The following FRK variants were observed in gnomAD, a reference collection of about 807,000 sequenced individuals.
The protein encoded by FRK is fyn related Src family tyrosine kinase, also known as tyrosine-protein kinase FRK.
A neutral mutation model predicts 56.4 loss-of-function variants in FRK; 51 were observed. The ratio of observed to expected loss-of-function variants is 0.90; its 90% CI spans 0.72 to 1.14. The LOEUF (loss-of-function observed/expected upper bound fraction) is 1.14. Among genes scored for constraint, FRK ranks in the 50% most tolerant of loss-of-function variants. FRK has a pLI of 0.00. For synonymous variants in FRK, 245 were observed against 217.9 expected, an observed-to-expected ratio of 1.12 and a Z score of -1.10; for missense variants, 570 against 601.4, an observed-to-expected ratio of 0.95 and a Z score of 0.55.
chr6:116,027,188 A>C lies in FRK; in HGVS notation c.345-23190T>G, dbSNP rs1056290022. 4.6e-5 allele frequency among the ~76,000 whole-genome samples: 7 copies of C among 152,296 alleles called. No homozygotes were observed. In the East Asian group the frequency reaches 1.3e-3, roughly 29 times the overall value. ...TATTTAAATCATCCAACAATGTTCA[A>C]ACTGCTATTCTTTAACATGAAATAA... On this transcript the variant is annotated intron_variant, in intron 1 of 7. Transcript: ENST00000606080.
Position 115,944,329 on chromosome 6 carries a change from T to C in FRK, c.1055A>G (p.His352Arg), listed in dbSNP as rs368409399. 40 of 1,613,058 alleles carry C rather than the reference T, an allele frequency of 2.5e-5. No individual in the cohort carries two copies. Among genetic ancestry groups the C allele is most frequent in the Non-Finnish European group, 2.5e-6 (3 of 1,179,652 alleles). The change falls in exon 6 of 8, where the codon CAC (histidine) becomes CGC (arginine). Residue 352 changes from histidine to arginine, a missense_variant. By Grantham distance (29) the His-to-Arg change is conservative. Coordinates refer to ENST00000606080, the MANE Select transcript of FRK (RefSeq NM_002031.3). The stretch of plus-strand genomic sequence containing the variant: ...GACATTTCTGGCAGCCAGATCTCTG[T>C]GAATGTAGTTCCGAGACTCCAGATA... ...MAYLESRNYI[H>R]RDLAARNVLV...
chr6:115,947,317 AGTGTGTGTGT>A (rs10577529), intron 5 of FRK, among the ~76,000 whole-genome samples: 36,988 of 149,796 alleles, frequency 0.25, 5,098 homozygotes, highest in Middle Eastern at 0.35. Flanking sequence ...AGACTTAAAC[AGTGTGTGTGT>A]GTGTGTGTGT....
intron 5 of FRK, among the ~76,000 whole-genome samples, chr6:115,945,576 G>T (rs1374660792): frequency 1.3e-5 from 2 of 152,012 alleles, no homozygotes; most frequent in Non-Finnish European, 2.9e-5. Context: ...TGCATAATTT[G>T]TTTTAGTCAT....
chr6:115,957,185 C>G (rs1773035251), intron 4 of FRK, among the ~76,000 whole-genome samples: 2 of 152,250 alleles, frequency 1.3e-5, no homozygotes, highest in South Asian at 4.1e-4. Flanking sequence ...CAACTCGAAA[C>G]TGATATTTAA....
chr6:116,091,358 C>A, the FRK span, among the ~76,000 whole-genome samples: 26,124 of 152,116 alleles, frequency 0.17, 2,669 homozygotes, highest in African/African-American at 0.28. Context: ...GCTGGCCACC[C>A]CAGCCAGCAG....
intron 1 of FRK, among the ~76,000 whole-genome samples, chr6:116,005,015 T>C (rs1471563342): frequency 4.6e-5 from 7 of 152,116 alleles, no homozygotes; most frequent in Non-Finnish European, 1.0e-4. Context: ...AAATGTGTGC[T>C]ATCAAAATTT....
chr6:116,050,506 G>A (rs889314625), intron 1 of FRK, among the ~76,000 whole-genome samples: 2 of 152,136 alleles, frequency 1.3e-5, no homozygotes, highest in African/African-American at 4.8e-5. Flanking sequence ...CACATCCCTA[G>A]ATCTAATAGT....
In FRK at chr6:116,059,924, C is replaced by A. The variant is rs184365428; in HGVS notation, c.344+44G>T. ...GTAGAAAGGAAAACTCATTACCCAG[C>A]CCTCAGAGAGTTCAGAAATTAAGTA... is the stretch of plus-strand genomic sequence containing the variant. On this transcript the variant is annotated intron_variant, in intron 1 of 7. Coordinates refer to ENST00000606080, the MANE Select transcript of FRK (RefSeq NM_002031.3). The A allele has an allele frequency of 2.8e-4, 413 of 1,494,132 alleles. 1 individual carries two copies. In the African/African-American group the frequency reaches 4.8e-3, roughly 18 times the overall value. 92.6% of individuals were successfully genotyped at this position (1,494,132 alleles called of 1,614,324 possible).
At chr6:115,952,103 G>T (rs989282591) in intron 5 of FRK, among the ~76,000 whole-genome samples, 1 of 151,934 alleles carries the variant, frequency 6.6e-6, no homozygotes, top group African/African-American at 2.4e-5. Flanking sequence ...AGATGAGTAG[G>T]TTGCGAAAAT....
At chr6:116,084,624 T>C in the FRK span, among the ~76,000 whole-genome samples, 1 of 152,200 alleles carries the variant, frequency 6.6e-6, no homozygotes, top group Non-Finnish European at 1.5e-5. Context: ...ACAGGCAAGA[T>C]GTCACTTTCC....
chr6:115,994,007 T>C (rs774578670), intron 2 of FRK, among the ~76,000 whole-genome samples: 1 of 152,100 alleles, frequency 6.6e-6, no homozygotes, highest in Non-Finnish European at 1.5e-5. Flanking sequence ...AGGAGTTTTC[T>C]ATCTTCACGT....
the FRK span, among the ~76,000 whole-genome samples, chr6:116,075,369 G>T: frequency 6.6e-6 from 1 of 151,268 alleles, no homozygotes; most frequent in African/African-American, 2.4e-5. Flanking sequence ...GGTATAAAAG[G>T]CTTACGAAAA....
intron 2 of FRK, among the ~76,000 whole-genome samples, chr6:115,969,460 T>A (rs937646689): frequency 6.6e-6 from 1 of 152,152 alleles, no homozygotes; most frequent in Non-Finnish European, 1.5e-5. Flanking sequence ...GGCTATTTTG[T>A]TACTGTTGCC....
the FRK span, among the ~76,000 whole-genome samples, chr6:116,090,245 T>C: frequency 6.6e-6 from 1 of 152,010 alleles, no homozygotes; most frequent in Non-Finnish European, 1.5e-5. Flanking sequence ...AGTTTGGGGG[T>C]CCCAAAGCAG....
the FRK span, among the ~76,000 whole-genome samples, chr6:116,086,349 T>G: frequency 6.6e-6 from 1 of 152,222 alleles, no homozygotes; most frequent in African/African-American, 2.4e-5. Context: ...ATGAATCTCA[T>G]GATAAAATCC....
chr6:116,082,784 C>T, the FRK span, among the ~76,000 whole-genome samples: 1 of 151,994 alleles, frequency 6.6e-6, no homozygotes, highest in Admixed American at 6.6e-5. Context: ...AAGTGGACAA[C>T]TAGATCTATA....
chr6:115,983,440 T>C (rs745362748), intron 2 of FRK, among the ~76,000 whole-genome samples: 5 of 152,190 alleles, frequency 3.3e-5, no homozygotes, highest in Non-Finnish European at 7.4e-5. Flanking sequence ...GGATAAAGTC[T>C]ATTCTATGAC....
intron 2 of FRK, among the ~76,000 whole-genome samples, chr6:115,997,829 G>T (rs1206240799): frequency 6.6e-6 from 1 of 152,144 alleles, no homozygotes; most frequent in Non-Finnish European, 1.5e-5. Flanking sequence ...GGTTCACTAG[G>T]CCTGTCCCAC....
intron 2 of FRK, among the ~76,000 whole-genome samples, chr6:115,982,762 C>T (rs1774247595): frequency 6.6e-6 from 1 of 152,010 alleles, no homozygotes; most frequent in African/African-American, 2.4e-5. Context: ...ACATAGCATT[C>T]TTTATGAGTA....
Sources: gnomAD v4.1 joint callset for allele counts (sites outside exome capture counted in the v4.1 genomes callset) on GRCh38, gnomAD v4.1.1 for gene constraint, MANE v1.5 for transcripts, NCBI Gene and HGNC (gene_info 2026-07-23, HGNC 2026-07-21) for gene names.